Variants in ATRNL1 observed in about 807,000 individuals in gnomAD.
The protein encoded by ATRNL1 is attractin-like protein 1.
ATRNL1 carries 95 observed loss-of-function variants against 182.7 expected under a neutral mutation model. The ratio of observed to expected loss-of-function variants is 0.52; its 90% CI spans 0.44 to 0.62. ATRNL1 has a LOEUF of 0.62. Ranked by LOEUF, ATRNL1 falls within the 20% of genes least tolerant of loss-of-function variation. The probability of loss-of-function intolerance (pLI) is 0.00; values close to 1 mark genes in which losing one functional copy is unlikely to be tolerated. For synonymous variants in ATRNL1, 576 were observed against 568.3 expected (o/e 1.01, Z -0.19); for missense variants, 1,471 against 1,679.5 (o/e 0.88, Z 2.17).
At chr10:115,737,503 C>A (rs1947992707) in intron 27 of ATRNL1, among the ~76,000 whole-genome samples, 1 of 151,978 alleles carries the variant, frequency 6.6e-6, no homozygotes, top group African/African-American at 2.4e-5. Context: ...GCCCTACTTA[C>A]ACTATCTGTA....
At chr10:115,350,804 G>A (rs1554941073) in intron 19 of ATRNL1, among the ~76,000 whole-genome samples, 1 of 152,050 alleles carries the variant, frequency 6.6e-6, no homozygotes, top group Non-Finnish European at 1.5e-5. Context: ...TTTCTGAGAA[G>A]AATGTCATTG....
intron 1 of ATRNL1, among the ~76,000 whole-genome samples, chr10:115,101,601 G>A (rs1299267019): frequency 2.6e-5 from 4 of 152,128 alleles, no homozygotes; most frequent in Non-Finnish European, 4.4e-5. Context: ...GATTTGGTTT[G>A]TTAAAGTTTT....
intron 8 of ATRNL1, among the ~76,000 whole-genome samples, chr10:115,189,928 A>AT (rs34275898): frequency 0.22 from 33,754 of 151,836 alleles, 4,805 homozygotes; most frequent in Non-Finnish European, 0.32. Context: ...ACCATTTTTT[A>AT]TTTTTTACAC....
intron 26 of ATRNL1, among the ~76,000 whole-genome samples, chr10:115,587,665 C>G (rs1480181860): frequency 6.6e-6 from 1 of 152,072 alleles, no homozygotes; most frequent in Non-Finnish European, 1.5e-5. Context: ...GTCTGGCACT[C>G]CCTAGTGAGA....
At chr10:115,478,297 A>G (rs1433172443) in intron 24 of ATRNL1, among the ~76,000 whole-genome samples, 1 of 151,726 alleles carries the variant, frequency 6.6e-6, no homozygotes, top group Non-Finnish European at 1.5e-5. Flanking sequence ...GGCTGAAGTT[A>G]TGGTCTGTTG....
intron 26 of ATRNL1, among the ~76,000 whole-genome samples, chr10:115,697,191 G>T (rs527665553): frequency 2.0e-5 from 3 of 151,964 alleles, no homozygotes; most frequent in African/African-American, 7.2e-5. Flanking sequence ...TGTAATTGTT[G>T]GCCACATGTA....
At chr10:115,467,067 T>A in intron 22 of ATRNL1, 107 bp from the exon 23 acceptor site, 1 of 638,208 alleles carries the variant, frequency 1.6e-6, no homozygotes, top group Non-Finnish European at 2.8e-6. Context: ...ATTTACAAAA[T>A]CTATAGAGTT....
chr10:115,298,690 T>C (rs1338938407), intron 15 of ATRNL1, among the ~76,000 whole-genome samples: 3 of 152,118 alleles, frequency 2.0e-5, no homozygotes, highest in Admixed American at 2.0e-4. Flanking sequence ...TGTGTGTTTT[T>C]ATAATTAGAA....
At position 115,361,231 on chromosome 10, in the gene ATRNL1, T is replaced by G. The variant is rs77267440; in HGVS notation, c.3175+26812T>G. 1.2e-3 allele frequency among the ~76,000 whole-genome samples: 181 copies of G among 152,208 alleles called. 4 individuals are homozygous for G. In the East Asian group the frequency reaches 0.035, roughly 29 times the overall value. On this transcript the variant is annotated intron_variant, in intron 19 of 28. Coordinates refer to ENST00000355044, the MANE Select transcript of ATRNL1 (RefSeq NM_207303.4). ...ACCAAATGGTGATTTTCTAATTTCT[T>G]TATTCTTTCCACATTGATTAGTTGG...
intron 28 of ATRNL1, among the ~76,000 whole-genome samples, chr10:115,855,614 A>G (rs1951161831): frequency 6.6e-6 from 1 of 152,176 alleles, no homozygotes; most frequent in Admixed American, 6.5e-5. Flanking sequence ...AAGATGTGCA[A>G]AAGATGTATA....
intron 19 of ATRNL1, among the ~76,000 whole-genome samples, chr10:115,369,638 A>G (rs1373961482): frequency 6.6e-6 from 1 of 152,106 alleles, no homozygotes; most frequent in Non-Finnish European, 1.5e-5. Flanking sequence ...CAGTTTTCTG[A>G]GTAAACTGCA....
chr10:115,184,722 A>C (rs980396012), intron 8 of ATRNL1, among the ~76,000 whole-genome samples: 1 of 152,042 alleles, frequency 6.6e-6, no homozygotes, highest in Admixed American at 6.6e-5. Flanking sequence ...TTGAACAATT[A>C]AATAAAAAAG....
chr10:115,454,497 T>C (rs1006486631), intron 21 of ATRNL1, among the ~76,000 whole-genome samples: 2 of 152,154 alleles, frequency 1.3e-5, no homozygotes. Flanking sequence ...TTTAGTAGCA[T>C]GGACATTTTA....
chr10:115,416,910 A>G (rs669221), intron 20 of ATRNL1, among the ~76,000 whole-genome samples: 58,005 of 152,016 alleles, frequency 0.38, 12,241 homozygotes, highest in African/African-American at 0.57. Context: ...GGAGAGTGAT[A>G]CCAGCAAGAT....
At chr10:115,715,635 A>G (rs78057599) in intron 26 of ATRNL1, among the ~76,000 whole-genome samples, 2,532 of 152,366 alleles carry the variant, frequency 0.017, 54 homozygotes, top group African/African-American at 0.055. Context: ...TTGGAAGTTT[A>G]AAGGTTCAAA....
At chr10:115,560,775 C>T (rs190664915) in intron 26 of ATRNL1, among the ~76,000 whole-genome samples, 20 of 152,144 alleles carry the variant, frequency 1.3e-4, no homozygotes, top group Admixed American at 1.1e-3. Flanking sequence ...GTATAGTAAT[C>T]AAGATGGTGT....
At chr10:115,609,792 A>C (rs569390704) in intron 26 of ATRNL1, among the ~76,000 whole-genome samples, 1 of 152,258 alleles carries the variant, frequency 6.6e-6, no homozygotes, top group Admixed American at 6.5e-5. Context: ...AGTTCGTTAC[A>C]CTGAGGAGAG....
intron 5 of ATRNL1, among the ~76,000 whole-genome samples, chr10:115,151,185 T>C (rs1554880481): frequency 2.0e-5 from 3 of 152,202 alleles, no homozygotes; most frequent in Non-Finnish European, 4.4e-5. Context: ...TAAACATACG[T>C]GTGCATGTGT....
chr10:115,176,278 T>C (rs1847503716), intron 8 of ATRNL1, among the ~76,000 whole-genome samples: 1 of 152,216 alleles, frequency 6.6e-6, no homozygotes, highest in Non-Finnish European at 1.5e-5. Flanking sequence ...TGATGGTAGT[T>C]TCTTTTGCTG....
Sources: allele counts gnomAD v4.1 joint callset (sites outside exome capture counted in the v4.1 genomes callset), GRCh38; gene constraint gnomAD v4.1.1; transcripts MANE v1.5; gene names NCBI Gene and HGNC (gene_info 2026-07-23, HGNC 2026-07-21).